MYO3B: variants seen among roughly 807,000 people sequenced by gnomAD.
The protein encoded by MYO3B is myosin-IIIb.
MYO3B carries 156 observed loss-of-function variants against 174.6 expected under a neutral mutation model. That is an observed-to-expected ratio of 0.89 (90% CI 0.78 to 1.02). MYO3B has a LOEUF of 1.02. MYO3B is among the 50% of genes least tolerant of loss of function. The pLI is 0.00. For missense variants in MYO3B, 1,632 were observed against 1,639.4 expected, an observed-to-expected ratio of 1.00 and a Z score of 0.08; for synonymous variants, 563 against 569.1, an observed-to-expected ratio of 0.99 and a Z score of 0.15.
At chr2:170,279,140 A>C (rs932355162) in intron 7 of MYO3B, among the ~76,000 whole-genome samples, 7 of 152,026 alleles carry the variant, frequency 4.6e-5, no homozygotes, top group Non-Finnish European at 8.8e-5. Flanking sequence ...CCTTTGGGTA[A>C]ATACTCAGCA....
chr2:170,391,631 G>T lies in MYO3B; in HGVS notation c.1676+13G>T. On this transcript the variant is annotated intron_variant, in intron 15 of 34. Transcript: ENST00000408978. ...AAAAACCTCCTAGGTAAGTGTCAGG[G>T]GGGTTGGTTGTTAATTTTTGATGAA... 6.9e-7 allele frequency: 1 copy of T among 1,458,012 alleles called. No homozygotes were observed. The highest frequency in any genetic ancestry group is 2.3e-5 in the East Asian group (1 of 42,650). 90.3% of individuals were successfully genotyped at this position (1,458,012 alleles called of 1,614,324 possible).
intron 16 of MYO3B, among the ~76,000 whole-genome samples, chr2:170,397,806 C>T (rs1306492284): frequency 6.6e-6 from 1 of 152,212 alleles, no homozygotes; most frequent in Non-Finnish European, 1.5e-5. Context: ...GTCTCCTATA[C>T]TTCTGACTGA....
At chr2:170,194,742 G>A (rs1267778783) in intron 1 of MYO3B, among the ~76,000 whole-genome samples, 1 of 152,128 alleles carries the variant, frequency 6.6e-6, no homozygotes, top group East Asian at 1.9e-4. Flanking sequence ...ATGATGACAA[G>A]GTAAAGCCAT....
At chr2:170,629,704 G>T (rs1027182404) in intron 32 of MYO3B, among the ~76,000 whole-genome samples, 4 of 152,084 alleles carry the variant, frequency 2.6e-5, no homozygotes, top group African/African-American at 9.7e-5. Context: ...CAAAAAATTA[G>T]CTGGGCATGG....
chr2:170,335,279 CAG>C (rs1466555524), intron 7 of MYO3B, 104 bp from the exon 8 acceptor site: 1 of 860,280 alleles, frequency 1.2e-6, no homozygotes, highest in Non-Finnish European at 1.8e-6. Flanking sequence ...TGAGAACAAA[CAG>C]ATTTTATTAG....
At chr2:170,231,077 A>G (rs2093010899) in intron 6 of MYO3B, among the ~76,000 whole-genome samples, 1 of 152,190 alleles carries the variant, frequency 6.6e-6, no homozygotes, top group Non-Finnish European at 1.5e-5. Flanking sequence ...CTTCAACAGA[A>G]CACAGCTGAC....
chr2:170,329,221 C>G (rs1349552953), intron 7 of MYO3B, among the ~76,000 whole-genome samples: 1 of 138,388 alleles, frequency 7.2e-6, no homozygotes, highest in African/African-American at 2.6e-5. Flanking sequence ...ACTTACAACA[C>G]AGAAAAACAG....
At chr2:170,361,369 T>G (rs1200875135) in intron 8 of MYO3B, among the ~76,000 whole-genome samples, 1 of 152,174 alleles carries the variant, frequency 6.6e-6, no homozygotes, top group South Asian at 2.1e-4. Flanking sequence ...GCAAGGTGCT[T>G]TTTATAAAAA....
At chr2:170,498,781 C>T in intron 26 of MYO3B, 78 bp downstream of exon 26, 1 of 914,494 alleles carries the variant, frequency 1.1e-6, no homozygotes, top group Non-Finnish European at 1.8e-6. Flanking sequence ...GCATGAATGG[C>T]TCTGTAAGTT....
At chr2:170,294,715 T>A (rs1195015973) in intron 7 of MYO3B, among the ~76,000 whole-genome samples, 1 of 152,118 alleles carries the variant, frequency 6.6e-6, no homozygotes, top group Non-Finnish European at 1.5e-5. Flanking sequence ...TAGTGGTAAA[T>A]ATATGTCATT....
intron 32 of MYO3B, among the ~76,000 whole-genome samples, chr2:170,621,759 G>A (rs1284697481): frequency 2.0e-5 from 3 of 151,880 alleles, no homozygotes; most frequent in Non-Finnish European, 2.9e-5. Context: ...TGATCCACCC[G>A]CCTCGGCCTC....
chr2:170,333,015 A>G (rs1260924993), intron 7 of MYO3B, among the ~76,000 whole-genome samples: 1 of 152,144 alleles, frequency 6.6e-6, no homozygotes, highest in Non-Finnish European at 1.5e-5. Context: ...CAAATGACTT[A>G]GTCATGGTGA....
intron 32 of MYO3B, among the ~76,000 whole-genome samples, chr2:170,617,883 A>G (rs1288284740): frequency 6.6e-6 from 1 of 152,200 alleles, no homozygotes; most frequent in African/African-American, 2.4e-5. Flanking sequence ...CAGTCTTTCC[A>G]TATTAATTTT....
In MYO3B at chr2:170,370,089, G is replaced by T. The variant is rs189992744; in HGVS notation, c.971+712G>T. ...GAAATAGATCTTCAATTTCTGTCCAGAGGGTGGCAGAATTTCTCTTTAAAA... is the reference window on the plus strand; with the variant it reads ...GAAATAGATCTTCAATTTCTGTCCATAGGGTGGCAGAATTTCTCTTTAAAA... On this transcript the variant is annotated intron_variant, in intron 9 of 34. Transcript: ENST00000408978. Among the ~76,000 whole-genome samples, 707 of 152,128 alleles carry T rather than the reference G, an allele frequency of 4.6e-3. 7 individuals are homozygous for T. The highest frequency in any genetic ancestry group is 0.016 in the African/African-American group (676 of 41,488).
chr2:170,186,416 T>G (rs973949151), intron 1 of MYO3B, among the ~76,000 whole-genome samples: 4 of 152,234 alleles, frequency 2.6e-5, no homozygotes, highest in Non-Finnish European at 5.9e-5. Context: ...TGATATGATG[T>G]ATCACATTGA....
intron 32 of MYO3B, among the ~76,000 whole-genome samples, chr2:170,624,192 T>C (rs1696188540): frequency 6.6e-6 from 1 of 152,240 alleles, no homozygotes; most frequent in Non-Finnish European, 1.5e-5. Flanking sequence ...ATATTGATTC[T>C]TCCTATCCAT....
At chr2:170,549,949 A>G (rs1208339573) in intron 32 of MYO3B, among the ~76,000 whole-genome samples, 1 of 152,222 alleles carries the variant, frequency 6.6e-6, no homozygotes, top group Non-Finnish European at 1.5e-5. Flanking sequence ...GCATGTTCCT[A>G]CAACAGAGTC....
chr2:170,276,541 A>G (rs907561554), intron 7 of MYO3B, among the ~76,000 whole-genome samples: 1 of 152,214 alleles, frequency 6.6e-6, no homozygotes, highest in East Asian at 1.9e-4. Flanking sequence ...GTTTGCTGCT[A>G]TAATTATTAA....
Position 170,405,601 on chromosome 2 carries a change from C to A in MYO3B, c.2488C>A (p.Leu830Met). 6.2e-7 allele frequency: 1 copy of A among 1,614,176 alleles called. No individual in the cohort carries two copies. Among genetic ancestry groups the A allele is most frequent in the Non-Finnish European group, 8.5e-7 (1 of 1,180,008 alleles). The part of the protein sequence containing the change: ...KYFWRPKGVE[L>M]CFGIQHYAGK... ...CTTCTGGAGGCCCAAAGGAGTGGAACTGTGCTTTGGCATTCAGCATTATGC... is the reference window on the plus strand; with the variant it reads ...CTTCTGGAGGCCCAAAGGAGTGGAAATGTGCTTTGGCATTCAGCATTATGC... The change falls in exon 21 of 35, where the codon CTG (leucine) becomes ATG (methionine). Residue 830 changes from leucine (L) to methionine (M), a missense_variant. By Grantham distance (15) the Leu-to-Met change is conservative (BLOSUM62 2). Transcript: ENST00000408978.
Sources: allele counts gnomAD v4.1 joint callset (sites outside exome capture counted in the v4.1 genomes callset), GRCh38; gene constraint gnomAD v4.1.1; transcripts MANE v1.5; gene names NCBI Gene and HGNC (gene_info 2026-07-23, HGNC 2026-07-21).